ANKRD28: variants seen among roughly 807,000 people sequenced by gnomAD.
ANKRD28 encodes the protein ankyrin repeat domain 28.
In ANKRD28, 44 loss-of-function variants were observed where a neutral mutation model predicts 126.5. The ratio of observed to expected loss-of-function variants is 0.35; its 90% confidence interval spans 0.27 to 0.45. ANKRD28 has a LOEUF of 0.45. Among genes scored for constraint, ANKRD28 ranks in the 20% least tolerant of loss-of-function variants. ANKRD28 has a pLI of 1.00. For synonymous variants in ANKRD28, 442 were observed against 468.5 expected (o/e 0.94, Z 0.73); for missense variants, 1,110 against 1,316.6 (o/e 0.84, Z 2.43).
chr3:15,722,330 A>G (rs757631231), intron 7 of ANKRD28, among the ~76,000 whole-genome samples: 6 of 152,216 alleles, frequency 3.9e-5, no homozygotes, highest in Non-Finnish European at 5.9e-5. Flanking sequence ...CCTTGTTGGA[A>G]ATACTTCATT....
intron 4 of ANKRD28, among the ~76,000 whole-genome samples, chr3:15,739,418 C>G (rs548254256): frequency 6.6e-6 from 1 of 152,268 alleles, no homozygotes; most frequent in South Asian, 2.1e-4. Flanking sequence ...CACTTGGGGT[C>G]CCTGACTTCC....
intron 19 of ANKRD28, 39 bp from the exon 20 acceptor site, chr3:15,686,158 A>G (rs201068191): frequency 1.4e-4 from 220 of 1,600,658 alleles, no homozygotes; most frequent in Non-Finnish European, 1.8e-4. Context: ...CTGTCACTTA[A>G]GACTGTACTC....
intron 4 of ANKRD28, among the ~76,000 whole-genome samples, chr3:15,746,945 AGT>A (rs2057516127): frequency 2.0e-5 from 3 of 152,150 alleles, no homozygotes; most frequent in Non-Finnish European, 2.9e-5. Flanking sequence ...TATTTCCAGG[AGT>A]TTATCCATCT....
At chr3:15,745,586 G>A (rs964784271) in intron 4 of ANKRD28, among the ~76,000 whole-genome samples, 3 of 152,144 alleles carry the variant, frequency 2.0e-5, no homozygotes, top group African/African-American at 7.2e-5. Flanking sequence ...TTTTATACCA[G>A]TACCATGCTG....
chr3:15,707,247 T>C (rs2071574389), intron 14 of ANKRD28, among the ~76,000 whole-genome samples: 1 of 123,268 alleles, frequency 8.1e-6, no homozygotes, highest in Admixed American at 9.2e-5. Flanking sequence ...GAGTTTATTT[T>C]CGTGCAAGAA....
intron 1 of ANKRD28, among the ~76,000 whole-genome samples, chr3:15,857,283 A>G (rs2061794524): frequency 6.6e-6 from 1 of 152,080 alleles, no homozygotes; most frequent in South Asian, 2.1e-4. Flanking sequence ...TTTACAAGTG[A>G]CATTTATTTA....
chr3:15,755,253 G>C (rs1255178779), intron 3 of ANKRD28, among the ~76,000 whole-genome samples: 2 of 152,118 alleles, frequency 1.3e-5, no homozygotes, highest in Non-Finnish European at 2.9e-5. Flanking sequence ...TATATCTGAG[G>C]GCAACAATGA....
chr3:15,716,824 C>T (rs977389594), intron 8 of ANKRD28, among the ~76,000 whole-genome samples: 3 of 152,168 alleles, frequency 2.0e-5, no homozygotes, highest in South Asian at 2.1e-4. Context: ...TGGTCAGGCA[C>T]GGTGGCTCAT....
chr3:15,831,874 T>C (rs1029093873), intron 1 of ANKRD28, among the ~76,000 whole-genome samples: 26 of 152,206 alleles, frequency 1.7e-4, no homozygotes, highest in African/African-American at 6.3e-4. Context: ...AGGATACATA[T>C]ATATTTTCTG....
At chr3:15,744,352 C>A (rs1294078817) in intron 4 of ANKRD28, among the ~76,000 whole-genome samples, 4 of 151,938 alleles carry the variant, frequency 2.6e-5, no homozygotes, top group African/African-American at 9.7e-5. Flanking sequence ...TCACTTTTGT[C>A]ACCCAGGCTG....
chr3:15,736,503 C>T (rs965462640), intron 5 of ANKRD28, among the ~76,000 whole-genome samples: 2 of 152,186 alleles, frequency 1.3e-5, no homozygotes, highest in Non-Finnish European at 2.9e-5. Context: ...GACAAGTTGG[C>T]TTCAAAGGTT....
chr3:15,695,385 A>C (rs2069384374), intron 15 of ANKRD28, among the ~76,000 whole-genome samples, 171 bp from the exon 16 acceptor site: 1 of 152,136 alleles, frequency 6.6e-6, no homozygotes, highest in Non-Finnish European at 1.5e-5. Flanking sequence ...CGTCAAATCT[A>C]TATACATAGG....
chr3:15,829,939 TAAAA>T (rs35231161), intron 1 of ANKRD28, among the ~76,000 whole-genome samples: 1 of 140,426 alleles, frequency 7.1e-6, no homozygotes, highest in Non-Finnish European at 1.6e-5. Flanking sequence ...GGTATTCTAT[TAAAA>T]AAAAAAAAAA....
At chr3:15,847,859 G>A (rs1305223916) in intron 1 of ANKRD28, among the ~76,000 whole-genome samples, 1 of 152,120 alleles carries the variant, frequency 6.6e-6, no homozygotes, top group African/African-American at 2.4e-5. Flanking sequence ...ATCCTGCACC[G>A]ATTCCCTGCT....
chr3:15,754,509 G>A (rs1435986898), intron 3 of ANKRD28, among the ~76,000 whole-genome samples: 1 of 152,090 alleles, frequency 6.6e-6, no homozygotes, highest in Non-Finnish European at 1.5e-5. Flanking sequence ...AAATCATGCT[G>A]AGGTTGCTAA....
chr3:15,772,053 C>T (rs569786703), intron 2 of ANKRD28, among the ~76,000 whole-genome samples: 147 of 152,154 alleles, frequency 9.7e-4, no homozygotes, highest in Non-Finnish European at 1.2e-3. Flanking sequence ...GAATACAACA[C>T]ATTAAAATTT....
At chr3:15,789,103 C>T (rs1206343417) in intron 2 of ANKRD28, among the ~76,000 whole-genome samples, 1 of 152,120 alleles carries the variant, frequency 6.6e-6, no homozygotes, top group Non-Finnish European at 1.5e-5. Flanking sequence ...CTTCCACATC[C>T]AGGTGACTTA....
At chr3:15,686,571 T>A in intron 18 of ANKRD28, 1 of 460,502 alleles carries the variant, frequency 2.2e-6, no homozygotes, top group Non-Finnish European at 3.9e-6. Flanking sequence ...TCTAAAAGAA[T>A]GCTCATTTTA....
At chr3:15,671,689 T>C (rs2066377394) in intron 27 of ANKRD28, among the ~76,000 whole-genome samples, 1 of 151,686 alleles carries the variant, frequency 6.6e-6, no homozygotes, top group Non-Finnish European at 1.5e-5. Context: ...GTTCAAGTGA[T>C]TCACCTGCCT....
Sources: allele counts gnomAD v4.1 joint callset (sites outside exome capture counted in the v4.1 genomes callset), GRCh38; gene constraint gnomAD v4.1.1; transcripts MANE v1.5; gene names NCBI Gene and HGNC (gene_info 2026-07-23, HGNC 2026-07-21).